Variants in PTPRD observed in about 807,000 individuals in gnomAD.
PTPRD encodes the protein receptor-type tyrosine-protein phosphatase delta.
In PTPRD, 34 loss-of-function variants were observed where a neutral mutation model predicts 214.5. That is an observed-to-expected ratio of 0.16 (90% confidence interval 0.12 to 0.21). The LOEUF (loss-of-function observed/expected upper bound fraction) is 0.21. Ranked by LOEUF, PTPRD falls within the 10% of genes least tolerant of loss-of-function variation. The pLI is 1.00. For synonymous variants in PTPRD, 1,128 were observed against 845.7 expected (o/e 1.33, Z -5.79); for missense variants, 2,545 against 2,398.7 (o/e 1.06, Z -1.27).
intron 14 of PTPRD, among the ~76,000 whole-genome samples, chr9:8,540,538 A>T (rs191790146): frequency 2.6e-5 from 4 of 152,194 alleles, no homozygotes; most frequent in African/African-American, 9.6e-5. Flanking sequence ...ATGCACGTTT[A>T]TTATTTTTAT....
At position 9,598,460 on chromosome 9, in the gene PTPRD, T is replaced by TA. The variant is rs113598941; in HGVS notation, c.-286-23680dup. 1.5e-3 allele frequency among the ~76,000 whole-genome samples: 224 copies of TA among 151,934 alleles called. 1 individual carries two copies. The highest frequency in any genetic ancestry group is 4.8e-3 in the African/African-American group (201 of 41,474). On this transcript the variant is annotated intron_variant, in intron 7 of 45. Transcript: ENST00000381196. ...CTTCAGAATCCCAACTCCACTTTGTTAAAAAAACAGTTACTTTTAATAAAA... is the reference window on the plus strand; with the variant it reads ...CTTCAGAATCCCAACTCCACTTTGTTAAAAAAAACAGTTACTTTTAATAAAA...
intron 12 of PTPRD, among the ~76,000 whole-genome samples, chr9:8,644,285 C>G: frequency 6.6e-6 from 1 of 152,098 alleles, no homozygotes; most frequent in Non-Finnish European, 1.5e-5. Flanking sequence ...CTGACAGGAG[C>G]TGAACATTCA....
At chr9:9,594,355 C>T (rs10816146) in intron 7 of PTPRD, among the ~76,000 whole-genome samples, 1,729 of 151,994 alleles carry the variant, frequency 0.011, 12 homozygotes, top group Middle Eastern at 0.027. Flanking sequence ...CCTAAGCCAA[C>T]GCTTAGAAGG....
intron 3 of PTPRD, among the ~76,000 whole-genome samples, chr9:10,191,106 TTAA>T (rs1483475678): frequency 6.6e-6 from 1 of 152,102 alleles, no homozygotes; most frequent in Non-Finnish European, 1.5e-5. Flanking sequence ...CTCAAGACTG[TTAA>T]TAACATCAGG....
chr9:9,343,626 A>G (rs2047677452), intron 9 of PTPRD, among the ~76,000 whole-genome samples: 1 of 152,076 alleles, frequency 6.6e-6, no homozygotes, highest in African/African-American at 2.4e-5. Flanking sequence ...TGGAGAAACT[A>G]TTTTTTCCAG....
chr9:9,869,456 C>G (rs1402741872), intron 5 of PTPRD, among the ~76,000 whole-genome samples: 1 of 152,108 alleles, frequency 6.6e-6, no homozygotes, highest in South Asian at 2.1e-4. Flanking sequence ...TCTCTGTGGA[C>G]ACTACCTGGA....
At position 9,886,324 on chromosome 9, in the gene PTPRD, A is replaced by G. The variant is rs374133563; in HGVS notation, c.-368+52183T>C. ...TGGTTATCTCATATTTCTTTAATTC[A>G]CGGGCATTTACATAAACAAGAGTAA... On this transcript the variant is annotated intron_variant, in intron 5 of 45. Coordinates refer to ENST00000381196, the MANE Select transcript of PTPRD (RefSeq NM_002839.4). 2.3e-4 allele frequency among the ~76,000 whole-genome samples: 35 copies of G among 152,234 alleles called. No homozygotes were observed. In the South Asian group the frequency reaches 4.8e-3, roughly 21 times the overall value.
intron 7 of PTPRD, among the ~76,000 whole-genome samples, chr9:9,706,621 G>C (rs927164073): frequency 1.3e-5 from 2 of 151,922 alleles, no homozygotes; most frequent in Non-Finnish European, 2.9e-5. Flanking sequence ...TGTATTTTTA[G>C]TAGAGACAGG....
intron 9 of PTPRD, among the ~76,000 whole-genome samples, chr9:9,379,870 A>G (rs1330010819): frequency 2.6e-5 from 4 of 151,998 alleles, no homozygotes; most frequent in African/African-American, 9.7e-5. Context: ...TACCTTTTGT[A>G]TCTTAACCTT....
At chr9:9,769,484 C>A (rs896207528) in intron 5 of PTPRD, among the ~76,000 whole-genome samples, 1 of 151,890 alleles carries the variant, frequency 6.6e-6, no homozygotes, top group Admixed American at 6.6e-5. Context: ...CGCCACCACA[C>A]CCGGCTAATT....
intron 14 of PTPRD, among the ~76,000 whole-genome samples, chr9:8,593,895 A>G (rs2094300854): frequency 6.6e-6 from 1 of 152,156 alleles, no homozygotes; most frequent in Non-Finnish European, 1.5e-5. Flanking sequence ...TCATTATACC[A>G]CTGATTCTCA....
At chr9:10,269,663 G>A (rs2094308244) in intron 3 of PTPRD, among the ~76,000 whole-genome samples, 1 of 151,990 alleles carries the variant, frequency 6.6e-6, no homozygotes, top group Non-Finnish European at 1.5e-5. Flanking sequence ...GAAAGTTCAA[G>A]ATATAGTCCT....
intron 5 of PTPRD, among the ~76,000 whole-genome samples, chr9:9,937,532 G>C (rs1383589774): frequency 6.6e-6 from 1 of 151,582 alleles, no homozygotes; most frequent in Non-Finnish European, 1.5e-5. Flanking sequence ...ACATAATTCT[G>C]TTTAAATATT....
At chr9:8,514,443 T>G (rs2097746251) in intron 21 of PTPRD, among the ~76,000 whole-genome samples, 1 of 152,116 alleles carries the variant, frequency 6.6e-6, no homozygotes, top group South Asian at 2.1e-4. Flanking sequence ...TAAATTTAGT[T>G]AAATTTCAGC....
intron 11 of PTPRD, among the ~76,000 whole-genome samples, chr9:8,881,923 A>T (rs2154219508): frequency 6.6e-6 from 1 of 152,358 alleles, no homozygotes; most frequent in African/African-American, 2.4e-5. Context: ...AGGAGAAGGA[A>T]GGTGCCATTT....
chr9:9,781,044 A>G (rs1009525106), intron 5 of PTPRD, among the ~76,000 whole-genome samples: 2 of 152,146 alleles, frequency 1.3e-5, no homozygotes, highest in Non-Finnish European at 2.9e-5. Flanking sequence ...GAGACCGAGG[A>G]ACAAATAGGA....
chr9:10,595,579 T>C (rs891244436), intron 2 of PTPRD, among the ~76,000 whole-genome samples: 3 of 151,678 alleles, frequency 2.0e-5, no homozygotes, highest in Admixed American at 6.6e-5. Flanking sequence ...GTCACACCTA[T>C]GATTTAAATA....
chr9:10,443,864 C>A (rs2098779250), intron 2 of PTPRD, among the ~76,000 whole-genome samples: 1 of 151,304 alleles, frequency 6.6e-6, no homozygotes. Flanking sequence ...CACACACACA[C>A]AAATGTTTTT....
chr9:9,167,473 G>A (rs951447379), intron 10 of PTPRD, among the ~76,000 whole-genome samples: 1 of 151,848 alleles, frequency 6.6e-6, no homozygotes, highest in African/African-American at 2.4e-5. Context: ...AAATAAGGAG[G>A]GCTGGGCATG....
Sources: allele counts gnomAD v4.1 joint callset (sites outside exome capture counted in the v4.1 genomes callset), GRCh38; gene constraint gnomAD v4.1.1; transcripts MANE v1.5; gene names NCBI Gene and HGNC (gene_info 2026-07-23, HGNC 2026-07-21).